The following FAM114A2 variants were observed in gnomAD, a reference collection of about 807,000 sequenced individuals.
FAM114A2 encodes the protein protein FAM114A2.
FAM114A2 carries 53 observed loss-of-function variants against 58.4 expected under a neutral mutation model. The ratio of observed to expected loss-of-function variants is 0.91; its 90% CI spans 0.73 to 1.14. The LOEUF is 1.14. Among genes scored for constraint, FAM114A2 ranks in the 50% most tolerant of loss-of-function variants. FAM114A2 has a pLI of 0.00. For synonymous variants in FAM114A2, 228 were observed against 211.4 expected (o/e 1.08, Z -0.68); for missense variants, 601 against 581.1 (o/e 1.03, Z -0.35).
At chr5:154,004,293 T>A (rs916967394) in intron 9 of FAM114A2, among the ~76,000 whole-genome samples, 4 of 152,306 alleles carry the variant, frequency 2.6e-5, no homozygotes, top group Non-Finnish European at 5.9e-5. Context: ...CTCCTCAGTA[T>A]CTTTTATATA....
chr5:153,995,662 C>T (rs918755799), intron 12 of FAM114A2, among the ~76,000 whole-genome samples: 1 of 152,292 alleles, frequency 6.6e-6, no homozygotes, highest in African/African-American at 2.4e-5. Flanking sequence ...TTTGCTGCTA[C>T]ACTGACACTG....
At chr5:153,996,797 G>C (rs1466947594) in intron 12 of FAM114A2, among the ~76,000 whole-genome samples, 1 of 151,896 alleles carries the variant, frequency 6.6e-6, no homozygotes, top group Non-Finnish European at 1.5e-5. Flanking sequence ...GGGAGTTCGA[G>C]ACCAGCTTGG....
chr5:154,037,868 C>T (rs111651017), intron 1 of FAM114A2, among the ~76,000 whole-genome samples: 3,766 of 152,216 alleles, frequency 0.025, 103 homozygotes, highest in African/African-American at 0.063. Flanking sequence ...AGTCCCTTTA[C>T]TAAAATATTA....
At chr5:154,012,493 T>C (rs528868553) in intron 8 of FAM114A2, among the ~76,000 whole-genome samples, 3 of 152,352 alleles carry the variant, frequency 2.0e-5, no homozygotes, top group South Asian at 2.1e-4. Context: ...TTACAGTCTA[T>C]AGAATATTTC....
Position 154,027,211 on chromosome 5 carries a change from C to G in FAM114A2, c.754G>C (p.Ala252Pro). 6.2e-7 allele frequency: 1 copy of G among 1,613,122 alleles called. No homozygotes were observed. The highest frequency in any genetic ancestry group is 1.3e-5 in the African/African-American group (1 of 74,968). Reference sequence around the variant, plus strand: ...CTTTCTTGGGAAAGCATCTCCAGAGCTTCTAGATGTGAAAGGCCTTGAAAT... The same window carrying G: ...CTTTCTTGGGAAAGCATCTCCAGAGGTTCTAGATGTGAAAGGCCTTGAAAT... ...DEFQGLSHLE[A>P]LEMLSQESEI... The change falls in exon 7 of 14, where the codon GCT becomes CCT. Residue 252 changes from alanine (A) to proline (P), a missense_variant. By Grantham distance (27) the Ala-to-Pro change is conservative. Transcript: ENST00000351797.
At chr5:154,029,434 G>T in intron 5 of FAM114A2, 55 bp downstream of exon 5, 1 of 982,194 alleles carries the variant, frequency 1.0e-6, no homozygotes, top group Non-Finnish European at 1.6e-6. Flanking sequence ...AGAAAGATAT[G>T]CAAACCCATT....
At chr5:154,038,258 A>T (rs1172095570) in intron 1 of FAM114A2, 1 of 152,208 alleles carries the variant, frequency 6.6e-6, no homozygotes, top group Non-Finnish European at 1.5e-5. Flanking sequence ...ACACATATAT[A>T]TTACGTATAT....
At chr5:154,014,493 G>T (rs1770896073) in intron 8 of FAM114A2, among the ~76,000 whole-genome samples, 1 of 152,166 alleles carries the variant, frequency 6.6e-6, no homozygotes, top group Non-Finnish European at 1.5e-5. Flanking sequence ...CAAATAGTGT[G>T]GAAGTGGAAA....
At chr5:154,028,350 G>T in intron 5 of FAM114A2, 67 bp from the exon 6 acceptor site, 2 of 1,091,604 alleles carry the variant, frequency 1.8e-6, no homozygotes, top group Non-Finnish European at 1.3e-6. Context: ...TTTTTATTAT[G>T]TATTTATTAT....
At chr5:154,015,363 C>T (rs1471753524) in intron 8 of FAM114A2, among the ~76,000 whole-genome samples, 40 of 152,134 alleles carry the variant, frequency 2.6e-4, no homozygotes, top group Admixed American at 2.6e-3. Context: ...AGGATGCTCA[C>T]AGAGTCCACT....
intron 8 of FAM114A2, among the ~76,000 whole-genome samples, chr5:154,017,108 C>G (rs2113366512): frequency 6.6e-6 from 1 of 152,338 alleles, no homozygotes; most frequent in Admixed American, 6.5e-5. Context: ...GCACCTAACA[C>G]TGGAGGTCCC....
At chr5:154,015,444 G>C (rs1770977722) in intron 8 of FAM114A2, among the ~76,000 whole-genome samples, 1 of 152,184 alleles carries the variant, frequency 6.6e-6, no homozygotes, top group Admixed American at 6.5e-5. Flanking sequence ...ACAGTTCACA[G>C]GACTCTGTGG....
At chr5:154,004,990 G>A (rs1299543966) in intron 9 of FAM114A2, among the ~76,000 whole-genome samples, 1 of 151,928 alleles carries the variant, frequency 6.6e-6, no homozygotes, top group East Asian at 1.9e-4. Flanking sequence ...TTATCTTCTG[G>A]TAAGAATGAC....
At chr5:154,023,500 G>T (rs535304133) in intron 8 of FAM114A2, among the ~76,000 whole-genome samples, 1 of 152,074 alleles carries the variant, frequency 6.6e-6, no homozygotes, top group Admixed American at 6.6e-5. Flanking sequence ...GGATGCTATT[G>T]TTCTAAGTAA....
At chr5:154,028,412 G>C (rs1771952054) in intron 5 of FAM114A2, 129 bp from the exon 6 acceptor site, 1 of 634,950 alleles carries the variant, frequency 1.6e-6, no homozygotes. Flanking sequence ...TAAAGCAAAT[G>C]AAACAATCAC....
chr5:154,009,982 A>G (rs1158144966), intron 9 of FAM114A2, among the ~76,000 whole-genome samples: 1 of 152,224 alleles, frequency 6.6e-6, no homozygotes, highest in Non-Finnish European at 1.5e-5. Context: ...GATTACAACA[A>G]ATTAGTACAA....
intron 3 of FAM114A2, 22 bp from the exon 4 acceptor site, chr5:154,033,905 T>A: frequency 6.7e-7 from 1 of 1,491,940 alleles, no homozygotes. Context: ...AATAACTTTT[T>A]TTTTTGCTAT....
At chr5:154,003,284 T>C (rs1770128084) in intron 9 of FAM114A2, among the ~76,000 whole-genome samples, 2 of 151,730 alleles carry the variant, frequency 1.3e-5, no homozygotes, top group African/African-American at 4.8e-5. Flanking sequence ...GTCCAAGCGA[T>C]TCTCCTGCCT....
rs780676950 is a variant in FAM114A2 at position 154,034,984 on chromosome 5, C to G, written c.-14-17G>C. 6.7e-7 allele frequency: 1 copy of G among 1,491,490 alleles called. No individual in the cohort carries two copies. Among genetic ancestry groups the G allele is most frequent in the Non-Finnish European group, 9.0e-7 (1 of 1,110,674 alleles). The allele number at this position is 1,491,490 out of a possible 1,614,324, so 92.4% of individuals were successfully genotyped here. ...GAACATCAGCTGGTAAAATGAAAGC[C>G]CAAAAAAAATTTATATAGGCTTCTT... On this transcript the variant is annotated splice_polypyrimidine_tract_variant and intron_variant, in intron 1 of 13. Transcript: ENST00000351797.
Sources: allele counts gnomAD v4.1 joint callset (sites outside exome capture counted in the v4.1 genomes callset), GRCh38; gene constraint gnomAD v4.1.1; transcripts MANE v1.5; gene names NCBI Gene and HGNC (gene_info 2026-07-23, HGNC 2026-07-21).